GPX6: variants seen among roughly 807,000 people sequenced by gnomAD.
The protein encoded by GPX6 is glutathione peroxidase 6 (olfactory).
A neutral mutation model predicts 20.0 loss-of-function variants in GPX6; 21 were observed. That is an observed-to-expected ratio of 1.05 (90% CI 0.74 to 1.51). The LOEUF is 1.51. Among genes scored for constraint, GPX6 ranks in the 40% most tolerant of loss-of-function variants. The probability of loss-of-function intolerance (pLI) is 0.00; values close to 1 mark genes in which losing one functional copy is unlikely to be tolerated. For missense variants in GPX6, 233 were observed against 254.7 expected, an observed-to-expected ratio of 0.91 and a Z score of 0.58; for synonymous variants, 75 against 98.0, an observed-to-expected ratio of 0.77 and a Z score of 1.38.
intron 1 of GPX6, among the ~76,000 whole-genome samples, chr6:28,512,422 G>A (rs1489857434): frequency 2.6e-5 from 4 of 152,076 alleles, no homozygotes; most frequent in African/African-American, 9.7e-5. Flanking sequence ...TGCTCTGGTG[G>A]GGACATGGAG....
intron 2 of GPX6, among the ~76,000 whole-genome samples, chr6:28,508,973 G>A (rs141980917): frequency 1.0e-3 from 154 of 152,166 alleles, no homozygotes; most frequent in Admixed American, 2.4e-3. Context: ...TGGAGGAGCC[G>A]GAATTTTATT....
chr6:28,507,347 T>C (rs890594473), intron 2 of GPX6, among the ~76,000 whole-genome samples: 3 of 152,216 alleles, frequency 2.0e-5, no homozygotes, highest in Non-Finnish European at 4.4e-5. Context: ...CATCTCTCTC[T>C]TATCTTTGGC....
At position 28,509,390 on chromosome 6, in the gene GPX6, T is replaced by C. The variant is rs569380347; in HGVS notation, c.241+1361A>G. On this transcript the variant is annotated intron_variant, in intron 2 of 4. Coordinates refer to ENST00000361902, the MANE Select transcript of GPX6 (RefSeq NM_182701.1). ...CAAAAAAAAAAAAAAAAAAATTAGCTAGATATAGTGGTGCATGCCTGTAAT... is the reference window on the plus strand; with the variant it reads ...CAAAAAAAAAAAAAAAAAAATTAGCCAGATATAGTGGTGCATGCCTGTAAT... 3.0e-4 allele frequency among the ~76,000 whole-genome samples: 44 copies of C among 147,066 alleles called. 1 individual carries two copies. The highest frequency in any genetic ancestry group is 3.6e-3 in the Middle Eastern group (1 of 278).
At chr6:28,505,605 T>C in intron 4 of GPX6, 98 bp downstream of exon 4, 1 of 909,024 alleles carries the variant, frequency 1.1e-6, no homozygotes, top group East Asian at 2.4e-5. Flanking sequence ...TCTGAGCATC[T>C]CTTTTCCAAG....
At chr6:28,511,948 C>T (rs1406392741) in intron 1 of GPX6, among the ~76,000 whole-genome samples, 1 of 151,452 alleles carries the variant, frequency 6.6e-6, no homozygotes, top group Non-Finnish European at 1.5e-5. Flanking sequence ...CCAGCCGGCC[C>T]CGGGCACTGA....
chr6:28,504,748 T>A (rs980446157), intron 4 of GPX6, among the ~76,000 whole-genome samples: 1 of 152,164 alleles, frequency 6.6e-6, no homozygotes, highest in Non-Finnish European at 1.5e-5. Context: ...TCCCTGTCTT[T>A]CCTCTATTTC....
intron 1 of GPX6, among the ~76,000 whole-genome samples, chr6:28,512,964 A>C (rs1762928114): frequency 6.6e-6 from 1 of 152,162 alleles, no homozygotes; most frequent in African/African-American, 2.4e-5. Flanking sequence ...AGAAGGAACA[A>C]ATTCTGGACA....
intron 1 of GPX6, among the ~76,000 whole-genome samples, chr6:28,513,446 G>A (rs1482448792): frequency 1.3e-5 from 2 of 152,172 alleles, no homozygotes; most frequent in Admixed American, 6.5e-5. Flanking sequence ...TGAGCGGCGG[G>A]GAACTGAAGC....
chr6:28,511,100 T>C (rs930768759), intron 1 of GPX6, among the ~76,000 whole-genome samples, 196 bp from the exon 2 acceptor site: 1 of 152,074 alleles, frequency 6.6e-6, no homozygotes, highest in South Asian at 2.1e-4. Context: ...TTACAAGCCA[T>C]TTTTTTGTGT....
intron 1 of GPX6, among the ~76,000 whole-genome samples, chr6:28,511,915 A>T (rs1762884205): frequency 6.6e-6 from 1 of 152,178 alleles, no homozygotes; most frequent in Non-Finnish European, 1.5e-5. Flanking sequence ...GAGTGGGCTC[A>T]GCGGGCCCCG....
chr6:28,510,698 A>G, intron 2 of GPX6, 53 bp downstream of exon 2: 4 of 1,574,392 alleles, frequency 2.5e-6, no homozygotes, highest in Non-Finnish European at 3.5e-6. Flanking sequence ...TGGAATTAGA[A>G]TATGGCTATC....
chr6:28,513,331 C>T (rs1039476520), intron 1 of GPX6, among the ~76,000 whole-genome samples: 1 of 152,184 alleles, frequency 6.6e-6, no homozygotes. Context: ...GTAACACACG[C>T]CCACTGGGGC....
At chr6:28,512,733 GCTGTAACA>G (rs1762914491) in intron 1 of GPX6, among the ~76,000 whole-genome samples, 1 of 152,180 alleles carries the variant, frequency 6.6e-6, no homozygotes, top group South Asian at 2.1e-4. Context: ...GCCTTTACAA[GCTGTAACA>G]CTCACCGTGA....
rs373446796 is a variant in GPX6, at chr6:28,510,739, G to A, written c.241+12C>T. ...ATGCTGCTTCCAAAAGAGTTGAAAC[G>A]TGAGTTCTTACCAGGATACTGAGCT... is the stretch of plus-strand genomic sequence containing the variant. On this transcript the variant is annotated intron_variant, in intron 2 of 4. Transcript: ENST00000361902. 4.3e-6 allele frequency: 7 copies of A among 1,609,376 alleles called. No individual in the cohort carries two copies. The highest frequency in any genetic ancestry group is 2.2e-5 in the East Asian group (1 of 44,802).
intron 4 of GPX6, among the ~76,000 whole-genome samples, chr6:28,504,787 A>G (rs1762792762): frequency 6.6e-6 from 1 of 152,132 alleles, no homozygotes. Flanking sequence ...ATTCAGTAAA[A>G]GACTATTTTC....
chr6:28,505,910 G>T, intron 3 of GPX6, 108 bp from the exon 4 acceptor site: 1 of 824,792 alleles, frequency 1.2e-6, no homozygotes, highest in Non-Finnish European at 2.1e-6. Flanking sequence ...AAAGGGAAGA[G>T]GCTGTGCACA....
At position 28,511,099 on chromosome 6, in the gene GPX6, A is replaced by AT. The variant is rs980373601; in HGVS notation, c.88-196dup. Among the ~76,000 whole-genome samples, 25 of 152,180 alleles carry AT rather than the reference A, an allele frequency of 1.6e-4. No individual in the cohort carries two copies. In the East Asian group the frequency reaches 3.3e-3, roughly 20 times the overall value. On this transcript the variant is annotated intron_variant, in intron 1 of 4. Transcript: ENST00000361902. ...ATTTATGTCTTCTAAATTACAAGCC[A>AT]TTTTTTTGTGTGTGTGGCAAGACAA...
Position 28,507,457 on chromosome 6 carries a change from T to G in GPX6, c.242-1028A>C, listed in dbSNP as rs184653620. On this transcript the variant is annotated intron_variant, in intron 2 of 4. Transcript: ENST00000361902. ...ATTCTCTCAATTTTCTCATCTGGAG[T>G]AAAATTTGAATGAGGTGCTCTTTAA... 3.3e-3 allele frequency among the ~76,000 whole-genome samples: 506 copies of G among 152,348 alleles called. 4 individuals are homozygous for G. The highest frequency in any genetic ancestry group is 0.011 in the African/African-American group (447 of 41,580).
intron 1 of GPX6, among the ~76,000 whole-genome samples, chr6:28,511,513 C>CT (rs1023614387): frequency 3.1e-4 from 47 of 152,352 alleles, no homozygotes; most frequent in African/African-American, 1.1e-3. Flanking sequence ...ACAGGCACTC[C>CT]TGCCTTCTCA....
Sources: allele counts gnomAD v4.1 joint callset (sites outside exome capture counted in the v4.1 genomes callset), GRCh38; gene constraint gnomAD v4.1.1; transcripts MANE v1.5; gene names NCBI Gene and HGNC (gene_info 2026-07-23, HGNC 2026-07-21).